Variants in TRMT11 observed in about 807,000 individuals in gnomAD.
The protein encoded by TRMT11 is tRNA (guanine(10)-N(2))-methyltransferase TRMT11.
In TRMT11, 53 loss-of-function variants were observed where a neutral mutation model predicts 62.8. The observed-to-expected ratio is 0.84, with a 90% CI of 0.68 to 1.06. The LOEUF is 1.06. Among genes scored for constraint, TRMT11 ranks in the 50% least tolerant of loss-of-function variants. The pLI, the probability that TRMT11 is intolerant of heterozygous loss-of-function variation, is 0.00. For synonymous variants in TRMT11, 188 were observed against 190.3 expected (o/e 0.99, Z 0.10); for missense variants, 556 against 553.4 (o/e 1.00, Z -0.05).
At chr6:126,160,708 C>T (rs139210874) in intron 21 of TRMT11, among the ~76,000 whole-genome samples, 61 of 152,224 alleles carry the variant, frequency 4.0e-4, no homozygotes, top group African/African-American at 1.1e-3. Context: ...ACAGACATGA[C>T]GAGACCTGTT....
At chr6:126,085,493 A>G (rs977066000) in intron 17 of TRMT11, among the ~76,000 whole-genome samples, 2 of 152,164 alleles carry the variant, frequency 1.3e-5, no homozygotes, top group Non-Finnish European at 2.9e-5. Context: ...AATGTTTGCT[A>G]TGTGAGGTGG....
intron 17 of TRMT11, among the ~76,000 whole-genome samples, chr6:126,078,200 A>G (rs1165553984): frequency 6.6e-6 from 1 of 152,206 alleles, no homozygotes. Flanking sequence ...TGGGAGAGAG[A>G]GGGCACTTTG....
At chr6:126,005,234 A>G (rs977013068) in intron 7 of TRMT11, among the ~76,000 whole-genome samples, 1 of 152,112 alleles carries the variant, frequency 6.6e-6, no homozygotes, top group Non-Finnish European at 1.5e-5. Flanking sequence ...TTTGTTTAGT[A>G]GCATATTTTG....
intron 21 of TRMT11, among the ~76,000 whole-genome samples, chr6:126,154,815 C>A (rs1778098719): frequency 6.6e-6 from 1 of 152,178 alleles, no homozygotes; most frequent in African/African-American, 2.4e-5. Flanking sequence ...CTGGGCTTGC[C>A]TGGTCCAAGC....
chr6:126,180,763 G>T (rs951248586), intron 1 of TRMT11, among the ~76,000 whole-genome samples: 1 of 152,132 alleles, frequency 6.6e-6, no homozygotes, highest in Admixed American at 6.6e-5. Context: ...CAGTTTTGTG[G>T]TTTACGAGTC....
At chr6:125,998,196 C>CA (rs759364625) in intron 4 of TRMT11, 27 bp from the exon 5 acceptor site, 1 of 1,594,502 alleles carries the variant, frequency 6.3e-7, no homozygotes, top group Non-Finnish European at 8.6e-7. Context: ...TTAAAATACT[C>CA]AAAAAACTGA....
chr6:126,119,939 T>C (rs966677739), intron 21 of TRMT11, among the ~76,000 whole-genome samples: 11 of 152,078 alleles, frequency 7.2e-5, no homozygotes, highest in African/African-American at 2.7e-4. Context: ...TGTTTATTAA[T>C]AGAGAAATGA....
chr6:126,215,531 T>A, the TRMT11 span, among the ~76,000 whole-genome samples: 3 of 152,082 alleles, frequency 2.0e-5, no homozygotes, highest in Non-Finnish European at 4.4e-5. Flanking sequence ...GTTTTCTATT[T>A]GCATAGAAGA....
At chr6:126,203,407 A>G (rs1281977894), downstream of TRMT11, among the ~76,000 whole-genome samples, 2 of 152,358 alleles carry the variant, frequency 1.3e-5, no homozygotes, top group Middle Eastern at 3.4e-3. Context: ...CAGAAATATC[A>G]GTAAATTTGT....
intron 21 of TRMT11, among the ~76,000 whole-genome samples, chr6:126,123,259 C>A (rs1777670217): frequency 6.6e-6 from 1 of 152,036 alleles, no homozygotes; most frequent in Non-Finnish European, 1.5e-5. Context: ...CCAAAGTATT[C>A]CAATAACTAA....
At chr6:126,070,558 G>C (rs924854706) in intron 17 of TRMT11, among the ~76,000 whole-genome samples, 1 of 152,168 alleles carries the variant, frequency 6.6e-6, no homozygotes, top group African/African-American at 2.4e-5. Context: ...TAGTGGGAGG[G>C]TTTTGAGTGG....
chr6:126,055,666 T>G (rs1382060906), intron 17 of TRMT11, among the ~76,000 whole-genome samples: 1 of 152,202 alleles, frequency 6.6e-6, no homozygotes, highest in Non-Finnish European at 1.5e-5. Context: ...CATCTGATCA[T>G]AAAGGAATTG....
At chr6:126,095,242 A>T (rs184123209) in intron 17 of TRMT11, among the ~76,000 whole-genome samples, 22 of 152,334 alleles carry the variant, frequency 1.4e-4, no homozygotes, top group Non-Finnish European at 3.1e-4. Flanking sequence ...TAATTTAAGC[A>T]ACCAATCTTC....
At chr6:126,042,185 G>A (rs1380320950), downstream of TRMT11, among the ~76,000 whole-genome samples, 1 of 152,126 alleles carries the variant, frequency 6.6e-6, no homozygotes, top group Non-Finnish European at 1.5e-5. Context: ...GATTCTATCT[G>A]GTCATAGAAT....
intron 21 of TRMT11, among the ~76,000 whole-genome samples, chr6:126,148,359 G>A (rs1180814542): frequency 3.9e-5 from 6 of 152,180 alleles, no homozygotes; most frequent in Non-Finnish European, 5.9e-5. Context: ...AAATGTAGGG[G>A]CAGTTTATGT....
Position 125,999,469 on chromosome 6 carries a change from CAGAG to C in TRMT11, c.540_543del (p.Arg180SerfsTer33). On this transcript the variant is annotated frameshift_variant, in exon 7 of 13. Coordinates refer to ENST00000334379, the MANE Select transcript of TRMT11 (RefSeq NM_001031712.3). LOFTEE classifies it high-confidence loss of function. The stretch of plus-strand genomic sequence containing the variant: ...ATCTCTGATTTAGATTGCAGATGGA[CAGAG>C]AGAGCTTATTGAGTCATACAGTGTC... 6.2e-7 allele frequency: 1 copy of C among 1,600,868 alleles called. No individual in the cohort carries two copies. The highest frequency in any genetic ancestry group is 8.5e-7 in the Non-Finnish European group (1 of 1,174,246).
At chr6:126,050,803 A>G (rs1266167562) in intron 16 of TRMT11, among the ~76,000 whole-genome samples, 1 of 152,258 alleles carries the variant, frequency 6.6e-6, no homozygotes, top group Non-Finnish European at 1.5e-5. Flanking sequence ...CAGTGGGAAT[A>G]GACAATAGAG....
At chr6:126,085,986 G>T (rs117435705) in intron 17 of TRMT11, among the ~76,000 whole-genome samples, 4,186 of 152,126 alleles carry the variant, frequency 0.028, 93 homozygotes, top group Non-Finnish European at 0.044. Context: ...CAACAAAAAT[G>T]ACACAAACAA....
the TRMT11 span, among the ~76,000 whole-genome samples, chr6:126,250,417 T>G: frequency 2.4e-4 from 36 of 152,300 alleles, no homozygotes; most frequent in African/African-American, 8.2e-4. Flanking sequence ...TATTTAAAGA[T>G]TATGGTTACC....
Sources: gnomAD v4.1 joint callset for allele counts (sites outside exome capture counted in the v4.1 genomes callset) on GRCh38, gnomAD v4.1.1 for gene constraint, MANE v1.5 for transcripts, NCBI Gene and HGNC (gene_info 2026-07-23, HGNC 2026-07-21) for gene names.